PRKCH: variants seen among roughly 807,000 people sequenced by gnomAD.
PRKCH encodes the protein protein kinase C eta, also known as protein kinase C eta type.
A neutral mutation model predicts 82.5 loss-of-function variants in PRKCH; 28 were observed. The ratio of observed to expected loss-of-function variants is 0.34; its 90% CI spans 0.25 to 0.47. PRKCH has a LOEUF of 0.47. Ranked by LOEUF, PRKCH falls within the 20% of genes least tolerant of loss-of-function variation. The probability of loss-of-function intolerance (pLI) is 1.00; values close to 1 mark genes in which losing one functional copy is unlikely to be tolerated. For missense variants in PRKCH, 705 were observed against 881.8 expected, an observed-to-expected ratio of 0.80 and a Z score of 2.54; for synonymous variants, 322 against 327.4, an observed-to-expected ratio of 0.98 and a Z score of 0.18.
At chr14:61,267,398 G>C (rs777459263) in intron 1 of PRKCH, among the ~76,000 whole-genome samples, 12 of 152,126 alleles carry the variant, frequency 7.9e-5, no homozygotes, top group Non-Finnish European at 1.3e-4. Context: ...TCACTCTTCT[G>C]ACACTCTAGC....
intron 1 of PRKCH, among the ~76,000 whole-genome samples, chr14:61,189,550 C>A (rs1021461721): frequency 6.6e-6 from 1 of 151,720 alleles, no homozygotes; most frequent in Non-Finnish European, 1.5e-5. Context: ...GCTTCTGTTT[C>A]TTCCTGAGAG....
chr14:61,201,656 C>G (rs201659790), intron 1 of PRKCH, among the ~76,000 whole-genome samples: 2 of 152,088 alleles, frequency 1.3e-5, no homozygotes, highest in East Asian at 3.9e-4. Flanking sequence ...TATTATTTAA[C>G]ATTACTACAT....
chr14:61,440,925 C>T (rs971287604), intron 2 of PRKCH, among the ~76,000 whole-genome samples: 3 of 147,444 alleles, frequency 2.0e-5, no homozygotes, highest in Non-Finnish European at 3.0e-5. Context: ...CATTTTTTTT[C>T]TTTTTTTTTT....
At chr14:61,310,433 G>A (rs538114076) in intron 1 of PRKCH, among the ~76,000 whole-genome samples, 2 of 152,312 alleles carry the variant, frequency 1.3e-5, no homozygotes, top group South Asian at 2.1e-4. Flanking sequence ...AATCCCGCGG[G>A]GCAGTCATTA....
intron 2 of PRKCH, among the ~76,000 whole-genome samples, chr14:61,393,944 A>C (rs2046728276): frequency 6.6e-6 from 1 of 152,172 alleles, no homozygotes; most frequent in Non-Finnish European, 1.5e-5. Context: ...CACATCATCA[A>C]CTAGTTGTTT....
intron 2 of PRKCH, among the ~76,000 whole-genome samples, chr14:61,417,059 G>T (rs1283260296): frequency 6.6e-6 from 1 of 152,068 alleles, no homozygotes; most frequent in African/African-American, 2.4e-5. Context: ...ATATTTATAA[G>T]GGCTGTACAT....
At chr14:61,468,706 G>A (rs1488688643) in intron 9 of PRKCH, among the ~76,000 whole-genome samples, 1 of 152,158 alleles carries the variant, frequency 6.6e-6, no homozygotes, top group East Asian at 1.9e-4. Context: ...TTGTTCTGTT[G>A]TAACTGGTCT....
intron 1 of PRKCH, among the ~76,000 whole-genome samples, chr14:61,189,447 T>C (rs2044392988): frequency 6.6e-6 from 1 of 152,240 alleles, no homozygotes; most frequent in Admixed American, 6.5e-5. Context: ...GCCTTTCCCT[T>C]GTCTGCCTGC....
upstream of PRKCH, among the ~76,000 whole-genome samples, chr14:61,319,982 C>T (rs1319497007): frequency 6.6e-6 from 1 of 152,142 alleles, no homozygotes; most frequent in East Asian, 1.9e-4. Context: ...CGTTGAGAAC[C>T]TACTCAATTA....
At chr14:61,502,007 T>G (rs1173922764) in intron 10 of PRKCH, among the ~76,000 whole-genome samples, 2 of 151,468 alleles carry the variant, frequency 1.3e-5, no homozygotes, top group Non-Finnish European at 2.9e-5. Flanking sequence ...AGATGAAATC[T>G]AAATCCTTAA....
chr14:61,210,612 T>C (rs1362489890), intron 1 of PRKCH, among the ~76,000 whole-genome samples: 1 of 152,080 alleles, frequency 6.6e-6, no homozygotes, highest in Non-Finnish European at 1.5e-5. Flanking sequence ...ATGAAAAACA[T>C]TGATTTAGAC....
chr14:61,516,160 G>A (rs571505607), intron 10 of PRKCH, among the ~76,000 whole-genome samples: 18 of 152,220 alleles, frequency 1.2e-4, no homozygotes, highest in Admixed American at 5.9e-4. Context: ...AAGCCACTTG[G>A]GTAGGGGAGG....
rs575399459 is a variant in PRKCH at position 61,267,953 on chromosome 14, G to A, written c.-19+80285G>A. On this transcript the variant is annotated intron_variant, in intron 1 of 3. Coordinates refer to the PRKCH transcript ENST00000555185. ...ATTTGTTTAGATAGATTTTTCTTAC[G>A]TATCATGCTTCTGCTGATATGAAAA... Among the ~76,000 whole-genome samples, 25 of 152,024 alleles carry A rather than the reference G, an allele frequency of 1.6e-4. 1 individual carries two copies. In the South Asian group the frequency reaches 4.6e-3, roughly 28 times the overall value.
intron 2 of PRKCH, among the ~76,000 whole-genome samples, chr14:61,393,850 A>C (rs188555100): frequency 6.6e-6 from 1 of 152,278 alleles, no homozygotes; most frequent in Non-Finnish European, 1.5e-5. Flanking sequence ...GAAAAGCCCT[A>C]CAAATGTGGG....
At chr14:61,251,431 C>T (rs1358082182) in intron 1 of PRKCH, among the ~76,000 whole-genome samples, 6 of 152,184 alleles carry the variant, frequency 3.9e-5, no homozygotes, top group African/African-American at 7.2e-5. Flanking sequence ...TTAGCTCCCA[C>T]AAATAAGTCA....
At chr14:61,420,187 GTGTGTGCGTGTA>G (rs1207205900) in intron 2 of PRKCH, among the ~76,000 whole-genome samples, 1 of 152,024 alleles carries the variant, frequency 6.6e-6, no homozygotes, top group Admixed American at 6.5e-5. Context: ...CTGTACGTGT[GTGTGTGCGTGTA>G]TGTGTGTGAC....
intron 1 of PRKCH, among the ~76,000 whole-genome samples, chr14:61,191,392 G>C (rs1225272842): frequency 1.3e-5 from 2 of 152,182 alleles, no homozygotes; most frequent in Non-Finnish European, 2.9e-5. Context: ...AAAATTCCAG[G>C]CTGGGTACAG....
chr14:61,245,422 T>A (rs2044870728), intron 1 of PRKCH, among the ~76,000 whole-genome samples: 1 of 152,126 alleles, frequency 6.6e-6, no homozygotes, highest in Admixed American at 6.5e-5. Context: ...CAGGAAAGGG[T>A]CTGCATCAGC....
At chr14:61,394,302 G>T (rs143712852) in intron 2 of PRKCH, among the ~76,000 whole-genome samples, 34 of 152,122 alleles carry the variant, frequency 2.2e-4, no homozygotes, top group Middle Eastern at 3.4e-3. Flanking sequence ...ATTTGGGGGG[G>T]TGTTCTGCCT....
Sources: gnomAD v4.1 joint callset for allele counts (sites outside exome capture counted in the v4.1 genomes callset) on GRCh38, gnomAD v4.1.1 for gene constraint, MANE v1.5 for transcripts, NCBI Gene and HGNC (gene_info 2026-07-23, HGNC 2026-07-21) for gene names.